Variants in ATP10B observed in about 807,000 individuals in gnomAD.
The protein encoded by ATP10B is ATPase phospholipid transporting 10B (putative), also known as phospholipid-transporting ATPase VB.
A neutral mutation model predicts 141.2 loss-of-function variants in ATP10B; 122 were observed. The ratio of observed to expected loss-of-function variants is 0.86; its 90% confidence interval spans 0.75 to 1.00. ATP10B has a LOEUF of 1.00. ATP10B is among the 50% of genes least tolerant of loss of function. The pLI, the probability that ATP10B is intolerant of heterozygous loss-of-function variation, is 0.00. For missense variants in ATP10B, 1,876 were observed against 1,825.3 expected, an observed-to-expected ratio of 1.03 and a Z score of -0.51; for synonymous variants, 685 against 692.0, an observed-to-expected ratio of 0.99 and a Z score of 0.16.
chr5:160,905,371 A>T, the ATP10B span, among the ~76,000 whole-genome samples: 1 of 152,216 alleles, frequency 6.6e-6, no homozygotes, highest in African/African-American at 2.4e-5. Flanking sequence ...GCCATTTAAT[A>T]GTTCTGCTTT....
At chr5:160,767,081 C>A (rs918660044) in intron 2 of ATP10B, among the ~76,000 whole-genome samples, 21 of 151,986 alleles carry the variant, frequency 1.4e-4, no homozygotes, top group African/African-American at 5.1e-4. Context: ...TTGGGCCACA[C>A]ACAAAATACT....
the ATP10B span, among the ~76,000 whole-genome samples, chr5:160,881,539 G>A: frequency 3.4e-4 from 52 of 152,280 alleles, no homozygotes; most frequent in East Asian, 5.4e-3. Context: ...TCGGCCGGGC[G>A]TGGTGGCTCA....
At chr5:160,912,224 A>G in the ATP10B span, among the ~76,000 whole-genome samples, 2 of 152,072 alleles carry the variant, frequency 1.3e-5, no homozygotes, top group East Asian at 3.8e-4. Context: ...ATGAAGAATA[A>G]GTTACCCAAG....
the ATP10B span, among the ~76,000 whole-genome samples, chr5:160,878,016 G>A: frequency 1.3e-5 from 2 of 151,992 alleles, no homozygotes; most frequent in African/African-American, 4.8e-5. Flanking sequence ...TTTCTTCACA[G>A]AATTGGAGAA....
intron 8 of ATP10B, 21 bp downstream of exon 8, chr5:160,649,150 C>A (rs1414977199): frequency 5.8e-6 from 9 of 1,551,242 alleles, no homozygotes; most frequent in Non-Finnish European, 8.0e-6. Flanking sequence ...TTACTAGCAG[C>A]ATGGGACATG....
At chr5:160,600,712 G>A (rs1342138395) in intron 21 of ATP10B, among the ~76,000 whole-genome samples, 1 of 152,202 alleles carries the variant, frequency 6.6e-6, no homozygotes, top group African/African-American at 2.4e-5. Context: ...CTTGCAGGGA[G>A]TGCATTGAAC....
chr5:160,655,646 T>G (rs1761441071), intron 7 of ATP10B, among the ~76,000 whole-genome samples: 1 of 152,170 alleles, frequency 6.6e-6, no homozygotes, highest in South Asian at 2.1e-4. Context: ...CAGTCTTAAC[T>G]TTGATTGATG....
At chr5:160,751,749 G>C (rs986250513) in intron 2 of ATP10B, among the ~76,000 whole-genome samples, 1 of 152,142 alleles carries the variant, frequency 6.6e-6, no homozygotes, top group African/African-American at 2.4e-5. Context: ...TTGACACAAA[G>C]GGTCTGGAGA....
At chr5:160,785,427 TTGTTCTG>T (rs1771065553) in intron 2 of ATP10B, 125 bp downstream of exon 2, 1 of 328,476 alleles carries the variant, frequency 3.0e-6, no homozygotes, top group African/African-American at 2.2e-5. Flanking sequence ...GGTGTTTTTT[TTGTTCTG>T]TTTTGTTTTG....
chr5:160,780,707 G>A (rs1770659646), intron 2 of ATP10B, among the ~76,000 whole-genome samples: 1 of 152,088 alleles, frequency 6.6e-6, no homozygotes, highest in African/African-American at 2.4e-5. Context: ...GATACTTTTA[G>A]ATTCCAGCAA....
intron 2 of ATP10B, among the ~76,000 whole-genome samples, chr5:160,762,346 A>G (rs1769108257): frequency 6.6e-6 from 1 of 152,212 alleles, no homozygotes; most frequent in Non-Finnish European, 1.5e-5. Flanking sequence ...AGAACAACCT[A>G]TCAGATTAAT....
chr5:160,590,547 T>C (rs1478362926), intron 23 of ATP10B, among the ~76,000 whole-genome samples: 1 of 91,206 alleles, frequency 1.1e-5, no homozygotes, highest in Non-Finnish European at 2.3e-5. Context: ...TCCCTTGCTA[T>C]CTGCATTCTT....
intron 16 of ATP10B, among the ~76,000 whole-genome samples, chr5:160,616,246 G>T (rs1462902048): frequency 6.6e-6 from 1 of 152,140 alleles, no homozygotes; most frequent in East Asian, 1.9e-4. Flanking sequence ...AAGGTGAGGG[G>T]TATTATCCAA....
the ATP10B span, among the ~76,000 whole-genome samples, chr5:160,929,248 T>C: frequency 0.41 from 62,974 of 151,946 alleles, 13,356 homozygotes; most frequent in East Asian, 0.54. Context: ...GTAAACTCCA[T>C]AGCTGACAGG....
intron 1 of ATP10B, among the ~76,000 whole-genome samples, chr5:160,794,327 G>A (rs1240191150): frequency 6.6e-6 from 1 of 152,128 alleles, no homozygotes; most frequent in Non-Finnish European, 1.5e-5. Context: ...CTGATTTCCT[G>A]CTGCTCCAAT....
At position 160,563,766 on chromosome 5, in the gene ATP10B, A is replaced by T. The variant is rs2127590262; in HGVS notation, c.*1687T>A. ...GTAGTAGCCAGAAATTGGGGGAAAAATTGAGGTACCTGAGATCCAAGTTTT... is the reference window on the plus strand; with the variant it reads ...GTAGTAGCCAGAAATTGGGGGAAAATTTGAGGTACCTGAGATCCAAGTTTT... On this transcript the variant is annotated 3_prime_UTR_variant, in exon 26 of 26. Coordinates refer to ENST00000327245, the MANE Select transcript of ATP10B (RefSeq NM_025153.3). 6 of 152,230 alleles carry T rather than the reference A, an allele frequency of 3.9e-5. 1 individual carries two copies. The South Asian group carries it at 1.2e-3, about 32-fold the overall frequency. 9.4% of individuals were successfully genotyped at this position (152,230 alleles called of 1,614,324 possible).
At chr5:160,600,271 C>T (rs1158061070) in intron 21 of ATP10B, among the ~76,000 whole-genome samples, 1 of 152,096 alleles carries the variant, frequency 6.6e-6, no homozygotes, top group East Asian at 1.9e-4. Context: ...ATACTGTTGC[C>T]CCCTGCCCAA....
chr5:160,587,796 C>T (rs1021576574), intron 24 of ATP10B, among the ~76,000 whole-genome samples: 1 of 152,184 alleles, frequency 6.6e-6, no homozygotes, highest in Admixed American at 6.6e-5. Flanking sequence ...TAAGACTTTG[C>T]TGAAGTTGCT....
At chr5:160,726,017 C>A (rs533038774) in intron 2 of ATP10B, among the ~76,000 whole-genome samples, 2 of 152,242 alleles carry the variant, frequency 1.3e-5, no homozygotes, top group South Asian at 4.2e-4. Context: ...TAATCTCAAT[C>A]ATGGAATGAG....
Sources: allele counts gnomAD v4.1 joint callset (sites outside exome capture counted in the v4.1 genomes callset), GRCh38; gene constraint gnomAD v4.1.1; transcripts MANE v1.5; gene names NCBI Gene and HGNC (gene_info 2026-07-23, HGNC 2026-07-21).